QKI: variants seen among roughly 807,000 people sequenced by gnomAD.
The protein encoded by QKI is KH domain-containing RNA-binding protein QKI.
A neutral mutation model predicts 39.0 loss-of-function variants in QKI; 10 were observed. That is an observed-to-expected ratio of 0.26 (90% confidence interval 0.16 to 0.43). The LOEUF (loss-of-function observed/expected upper bound fraction) is 0.43. Ranked by LOEUF, QKI falls within the 20% of genes least tolerant of loss-of-function variation. QKI has a pLI of 1.00. For synonymous variants in QKI, 204 were observed against 155.4 expected, an observed-to-expected ratio of 1.31 and a Z score of -2.33; for missense variants, 218 against 428.0, an observed-to-expected ratio of 0.51 and a Z score of 4.33.
At chr6:163,416,260 G>A (rs1787483992) in intron 1 of QKI, 2 of 253,934 alleles carry the variant, frequency 7.9e-6, no homozygotes, top group South Asian at 7.6e-5. Flanking sequence ...AGTGAAGAAT[G>A]ACAAGAAGAT....
intron 1 of QKI, among the ~76,000 whole-genome samples, chr6:163,438,525 T>C (rs529990897): frequency 6.6e-6 from 1 of 152,332 alleles, no homozygotes; most frequent in Admixed American, 6.5e-5. Flanking sequence ...ATAGCCTTTT[T>C]TGTTCCTAGG....
intron 4 of QKI, among the ~76,000 whole-genome samples, chr6:163,540,131 AAGTT>A (rs1365675218): frequency 6.6e-5 from 10 of 151,984 alleles, no homozygotes; most frequent in South Asian, 2.1e-4. Context: ...AAGATAGAGT[AAGTT>A]CTTTTTTAGA....
At chr6:163,496,793 C>T (rs1362116819) in intron 3 of QKI, among the ~76,000 whole-genome samples, 1 of 152,104 alleles carries the variant, frequency 6.6e-6, no homozygotes, top group Non-Finnish European at 1.5e-5. Flanking sequence ...CTTGATTTAT[C>T]CCTTTATTTC....
At chr6:163,524,334 AT>A (rs1486947959) in intron 3 of QKI, among the ~76,000 whole-genome samples, 1 of 119,252 alleles carries the variant, frequency 8.4e-6, no homozygotes, top group Non-Finnish European at 1.8e-5. Context: ...TGGTTAAAAA[AT>A]AAATTATCTT....
intron 3 of QKI, among the ~76,000 whole-genome samples, chr6:163,501,655 C>T (rs1583109095): frequency 6.6e-6 from 1 of 152,164 alleles, no homozygotes. Flanking sequence ...GAAACACCAG[C>T]TCAGCTTTGT....
chr6:163,525,466 C>A (rs1251313316), intron 3 of QKI, among the ~76,000 whole-genome samples: 1 of 152,072 alleles, frequency 6.6e-6, no homozygotes, highest in Non-Finnish European at 1.5e-5. Context: ...TCAAGCAGTT[C>A]TCCTGCCTCA....
rs1783886493 is a variant in QKI at position 163,574,694 on chromosome 6, AATT to A, written c.*3988_*3990del. The stretch of plus-strand genomic sequence containing the variant: ...TTGGGTAAATTAACCTGTAATTATG[AATT>A]ATTTAGTTTAACTCAAGGTGCATTT... On this transcript the variant is annotated 3_prime_UTR_variant, in exon 8 of 8. Coordinates refer to ENST00000361752, the MANE Select transcript of QKI (RefSeq NM_006775.3). 6.6e-6 allele frequency: 1 copy of A among 152,192 alleles called. No individual in the cohort carries two copies. Among genetic ancestry groups the A allele is most frequent in the African/African-American group, 2.4e-5 (1 of 41,438 alleles). 9.4% of individuals were successfully genotyped at this position (152,192 alleles called of 1,614,324 possible).
At chr6:163,520,544 C>A (rs149829118) in intron 3 of QKI, among the ~76,000 whole-genome samples, 1 of 152,034 alleles carries the variant, frequency 6.6e-6, no homozygotes, top group East Asian at 1.9e-4. Context: ...AAAGGTGGTA[C>A]GAGATTGTCC....
chr6:163,539,922 G>A (rs1361446425), intron 4 of QKI, among the ~76,000 whole-genome samples: 2 of 151,920 alleles, frequency 1.3e-5, no homozygotes, highest in Admixed American at 1.3e-4. Context: ...AAAAATGTGA[G>A]TAAAATCTCT....
chr6:163,543,795 TG>T (rs1244047234), intron 4 of QKI, among the ~76,000 whole-genome samples: 2 of 151,974 alleles, frequency 1.3e-5, no homozygotes, highest in African/African-American at 4.8e-5. Flanking sequence ...TATGGTACAA[TG>T]AAGCACATTT....
At chr6:163,452,714 G>A (rs756388191) in intron 1 of QKI, among the ~76,000 whole-genome samples, 14 of 151,846 alleles carry the variant, frequency 9.2e-5, no homozygotes, top group Non-Finnish European at 1.9e-4. Context: ...AGGACTGTTT[G>A]TTTTATACAT....
intron 2 of QKI, among the ~76,000 whole-genome samples, chr6:163,466,796 G>C (rs1349509606): frequency 6.6e-6 from 1 of 151,932 alleles, no homozygotes; most frequent in Non-Finnish European, 1.5e-5. Context: ...AATTATAAAG[G>C]TATTTGATAC....
chr6:163,459,963 T>A (rs911756488), intron 2 of QKI, among the ~76,000 whole-genome samples: 1 of 152,246 alleles, frequency 6.6e-6, no homozygotes, highest in African/African-American at 2.4e-5. Flanking sequence ...GTTAACTGAT[T>A]TATTTAAGTA....
intron 4 of QKI, among the ~76,000 whole-genome samples, chr6:163,553,243 A>G (rs987389700): frequency 6.6e-6 from 1 of 151,890 alleles, no homozygotes; most frequent in African/African-American, 2.4e-5. Context: ...AGCTAGGATT[A>G]CAGGCGTGCA....
intron 4 of QKI, among the ~76,000 whole-genome samples, chr6:163,547,144 A>G (rs1359539766): frequency 6.6e-6 from 1 of 152,160 alleles, no homozygotes; most frequent in Non-Finnish European, 1.5e-5. Flanking sequence ...TTTAAATAAA[A>G]ATACTTTGAT....
At chr6:163,558,929 C>CAG (rs1293414219) in intron 4 of QKI, among the ~76,000 whole-genome samples, 1 of 152,086 alleles carries the variant, frequency 6.6e-6, no homozygotes, top group Non-Finnish European at 1.5e-5. Context: ...CACCATATGG[C>CAG]AGACTACACC....
chr6:163,471,004 T>G (rs571816815), intron 2 of QKI, among the ~76,000 whole-genome samples: 31 of 150,960 alleles, frequency 2.1e-4, no homozygotes, highest in East Asian at 1.5e-3. Flanking sequence ...AAGAAAGAAA[T>G]AAAGTCACAG....
intron 2 of QKI, among the ~76,000 whole-genome samples, chr6:163,459,194 T>C (rs537421366): frequency 1.2e-4 from 19 of 152,334 alleles, no homozygotes; most frequent in African/African-American, 4.3e-4. Flanking sequence ...CATGCTCTTA[T>C]GGCAGGCCAC....
intron 3 of QKI, among the ~76,000 whole-genome samples, chr6:163,512,917 T>C (rs1779569654): frequency 6.6e-6 from 1 of 152,132 alleles, no homozygotes. Flanking sequence ...GAGGAAAAAT[T>C]AATAAATAGA....
Sources: allele counts gnomAD v4.1 joint callset (sites outside exome capture counted in the v4.1 genomes callset), GRCh38; gene constraint gnomAD v4.1.1; transcripts MANE v1.5; gene names NCBI Gene and HGNC (gene_info 2026-07-23, HGNC 2026-07-21).